UBAC2: variants seen among roughly 807,000 people sequenced by gnomAD.
UBAC2 encodes UBA domain containing 2.
Under a neutral mutation model 44.0 loss-of-function variants are expected in UBAC2, and 26 were observed. That is an observed-to-expected ratio of 0.59 (90% CI 0.43 to 0.82). The LOEUF (loss-of-function observed/expected upper bound fraction) is 0.82. UBAC2 is among the 40% of genes least tolerant of loss of function. UBAC2 has a pLI of 0.00. For missense variants in UBAC2, 329 were observed against 419.4 expected (o/e 0.78, Z 1.88); for synonymous variants, 155 against 154.3 (o/e 1.00, Z -0.04).
rs147839082 is a variant in UBAC2 at position 99,362,127 on chromosome 13, A to G, written c.808-5660A>G. Among the ~76,000 whole-genome samples, 23 of 152,328 alleles carry G rather than the reference A, an allele frequency of 1.5e-4. No individual in the cohort carries two copies. The East Asian group carries it at 3.9e-3, about 26-fold the overall frequency. ...TACATACAATTTATGTAAATGGTATATGTATATGTTGTATATGCATATTCT... is the reference window on the plus strand; with the variant it reads ...TACATACAATTTATGTAAATGGTATGTGTATATGTTGTATATGCATATTCT... On this transcript the variant is annotated intron_variant, in intron 7 of 8. Coordinates refer to ENST00000403766, the MANE Select transcript of UBAC2 (RefSeq NM_001144072.2).
chr13:99,237,284 A>ACACACG lies in UBAC2; in HGVS notation c.32-1138_32-1137insGCACAC, dbSNP rs1290349391. ...TATATATATATATACACACACACAC[A>ACACACG]CACACACACACACAGTGGAATATTA... On this transcript the variant is annotated intron_variant, in intron 1 of 8. Transcript: ENST00000403766. Among the ~76,000 whole-genome samples, 30 of 152,016 alleles carry ACACACG rather than the reference A, an allele frequency of 2.0e-4. No homozygotes were observed. In the East Asian group the frequency reaches 5.8e-3, roughly 29 times the overall value.
intron 4 of UBAC2, among the ~76,000 whole-genome samples, chr13:99,271,402 G>A (rs768656206): frequency 6.6e-6 from 1 of 152,182 alleles, no homozygotes; most frequent in African/African-American, 2.4e-5. Flanking sequence ...GGACCATCCC[G>A]TACGTGGACA....
chr13:99,350,811 A>G (rs1403364582), intron 7 of UBAC2, among the ~76,000 whole-genome samples: 4 of 152,266 alleles, frequency 2.6e-5, no homozygotes, highest in Non-Finnish European at 4.4e-5. Context: ...GTAGGGGAGC[A>G]GTCTTGTGGG....
chr13:99,287,461 C>G (rs962923859), intron 4 of UBAC2, among the ~76,000 whole-genome samples: 2 of 151,896 alleles, frequency 1.3e-5, no homozygotes, highest in Middle Eastern at 3.2e-3. Flanking sequence ...GGGTCTCACT[C>G]TCACCCAGGC....
At chr13:99,215,802 TCAGA>T in intron 1 of UBAC2, 1 of 749,520 alleles carries the variant, frequency 1.3e-6, no homozygotes, top group Non-Finnish European at 2.2e-6. Flanking sequence ...AAAGGGCTAA[TCAGA>T]CCCGTGGTGA....
chr13:99,258,419 C>T (rs1457823111), intron 4 of UBAC2: 1 of 152,152 alleles, frequency 6.6e-6, no homozygotes, highest in African/African-American at 2.4e-5. Flanking sequence ...GCTTTTTCAC[C>T]TTATGACTTT....
intron 8 of UBAC2, among the ~76,000 whole-genome samples, chr13:99,374,536 A>G (rs577329854): frequency 6.6e-6 from 1 of 152,252 alleles, no homozygotes; most frequent in African/African-American, 2.4e-5. Context: ...AGGTGCTTTC[A>G]CTCTTAGCTG....
At chr13:99,242,999 C>T (rs1025424428) in intron 2 of UBAC2, among the ~76,000 whole-genome samples, 1 of 151,726 alleles carries the variant, frequency 6.6e-6, no homozygotes, top group Non-Finnish European at 1.5e-5. Flanking sequence ...GGATGGCGGC[C>T]GGGCAGAGAC....
intron 8 of UBAC2, among the ~76,000 whole-genome samples, chr13:99,368,726 T>TGTGTGTAC (rs57174182): frequency 1.4e-5 from 2 of 145,480 alleles, no homozygotes; most frequent in Non-Finnish European, 3.0e-5. Context: ...TGTGTGTGTG[T>TGTGTGTAC]ACACATACCC....
intron 4 of UBAC2, among the ~76,000 whole-genome samples, chr13:99,249,841 C>A (rs973562896): frequency 6.6e-6 from 1 of 151,884 alleles, no homozygotes; most frequent in Non-Finnish European, 1.5e-5. Context: ...AGCATTTTTT[C>A]TTGTGTGTTG....
chr13:99,305,127 A>G (rs540574590), intron 4 of UBAC2, among the ~76,000 whole-genome samples: 110 of 152,370 alleles, frequency 7.2e-4, no homozygotes, highest in African/African-American at 2.5e-3. Context: ...TTCGATTGAA[A>G]AAAGATGGTG....
intron 4 of UBAC2, chr13:99,255,468 C>A (rs143171650): frequency 4.5e-5 from 73 of 1,613,898 alleles, no homozygotes; most frequent in Admixed American, 2.2e-4. Flanking sequence ...CGGCTTTGCA[C>A]GTGTTTTTAA....
At position 99,340,547 on chromosome 13, in the gene UBAC2, G is replaced by T; in HGVS notation, c.789G>T (p.Arg263Ser). The T allele has an allele frequency of 6.2e-7, 1 of 1,613,760 alleles. No homozygotes were observed. Among genetic ancestry groups the T allele is most frequent in the South Asian group, 1.1e-5 (1 of 91,062 alleles). ...QLMFSQFAQGRRQRQQQGGMI... is the reference protein window; with the variant it reads ...QLMFSQFAQGSRQRQQQGGMI... ...TGTTCTCTCAGTTTGCACAAGGGAG[G>T]CGACAGAGACAGCAGCAGGTAAAAG... Residue 263 changes from arginine (R) to serine (S), a missense_variant, in exon 7 of 9, where the codon AGG becomes AGT. By Grantham distance (110) the Arg-to-Ser change is moderately radical. Coordinates refer to ENST00000403766, the MANE Select transcript of UBAC2 (RefSeq NM_001144072.2).
At chr13:99,208,120 C>T (rs1250759119) in intron 1 of UBAC2, among the ~76,000 whole-genome samples, 1 of 151,880 alleles carries the variant, frequency 6.6e-6, no homozygotes, top group Non-Finnish European at 1.5e-5. Context: ...GCCTCAGCCC[C>T]CCAAGTAGCT....
At chr13:99,237,697 G>A (rs189287319) in intron 1 of UBAC2, among the ~76,000 whole-genome samples, 1 of 152,372 alleles carries the variant, frequency 6.6e-6, no homozygotes, top group East Asian at 1.9e-4. Context: ...GCCCATGCCT[G>A]TAATCCCAGC....
At chr13:99,326,609 A>G (rs2044643795) in intron 6 of UBAC2, among the ~76,000 whole-genome samples, 1 of 152,170 alleles carries the variant, frequency 6.6e-6, no homozygotes, top group East Asian at 1.9e-4. Flanking sequence ...CTGCCTTACT[A>G]GGTTCTTGAT....
chr13:99,371,653 G>A (rs2045408433), intron 8 of UBAC2, among the ~76,000 whole-genome samples: 1 of 152,116 alleles, frequency 6.6e-6, no homozygotes, highest in African/African-American at 2.4e-5. Flanking sequence ...TCAATTAAAT[G>A]TTTGTATTTT....
intron 4 of UBAC2, among the ~76,000 whole-genome samples, chr13:99,257,568 C>T (rs1452208030): frequency 1.3e-5 from 2 of 152,100 alleles, no homozygotes; most frequent in Non-Finnish European, 2.9e-5. Flanking sequence ...ATGAGTGATG[C>T]ATGTGTTTTA....
chr13:99,374,719 G>A lies in UBAC2; in HGVS notation c.927+6813G>A, dbSNP rs140308170. On this transcript the variant is annotated intron_variant, in intron 8 of 8. Transcript: ENST00000403766. ...ATTTATTGGTTTTGAGACACATCTCGTGCTTCTGCTCTGAGTAGCCAAGCA... is the reference window on the plus strand; with the variant it reads ...ATTTATTGGTTTTGAGACACATCTCATGCTTCTGCTCTGAGTAGCCAAGCA... 3.9e-3 allele frequency among the ~76,000 whole-genome samples: 596 copies of A among 152,210 alleles called. 5 individuals are homozygous for A. Among genetic ancestry groups the A allele is most frequent in the African/African-American group, 0.013 (556 of 41,512 alleles).
Sources: allele counts gnomAD v4.1 joint callset (sites outside exome capture counted in the v4.1 genomes callset), GRCh38; gene constraint gnomAD v4.1.1; transcripts MANE v1.5; gene names NCBI Gene and HGNC (gene_info 2026-07-23, HGNC 2026-07-21).